The following CFAP46 variants were observed in gnomAD, a reference collection of about 807,000 sequenced individuals.
CFAP46 encodes the protein cilia and flagella associated protein 46, also known as cilia- and flagella-associated protein 46.
Under a neutral mutation model 325.7 loss-of-function variants are expected in CFAP46, and 245 were observed. The ratio of observed to expected loss-of-function variants is 0.75; its 90% CI spans 0.68 to 0.84. The LOEUF (loss-of-function observed/expected upper bound fraction) is 0.84. CFAP46 is among the 40% of genes least tolerant of loss of function. The pLI is 0.00. For missense variants in CFAP46, 3,346 were observed against 3,543.0 expected (o/e 0.94, Z 1.41); for synonymous variants, 1,523 against 1,495.9 (o/e 1.02, Z -0.42).
At chr10:132,931,392 TTCCTCC>T in intron 8 of CFAP46, among the ~76,000 whole-genome samples, 1 of 131,902 alleles carries the variant, frequency 7.6e-6, no homozygotes, top group Non-Finnish European at 1.6e-5. Flanking sequence ...AGCCTGGGCC[TTCCTCC>T]TCCCCAAAAA....
chr10:132,919,592 G>T lies in CFAP46; in HGVS notation c.1731-150C>A. The T allele has an allele frequency of 9.3e-7, 1 of 1,078,780 alleles. No homozygotes were observed. 66.8% of individuals were successfully genotyped at this position (1,078,780 alleles called of 1,614,324 possible). ...GAGCCCGGCACTCGCGCTGGGTACGGCCTGGCGGGTGCATGTCCCAGGGTC... is the reference window on the plus strand; with the variant it reads ...GAGCCCGGCACTCGCGCTGGGTACGTCCTGGCGGGTGCATGTCCCAGGGTC... On this transcript the variant is annotated intron_variant, in intron 14 of 57. Transcript: ENST00000368586. The surrounding 1 kb of genome is among the most constrained non-coding windows in gnomAD (Gnocchi z 9.7).
chr10:132,909,230 A>T lies in CFAP46; in HGVS notation c.2664T>A (p.Asp888Glu). Reference protein sequence around the residue: ...LGTEEQGTNEDVSSVTRVLVA... With the variant: ...LGTEEQGTNEEVSSVTRVLVA... ...CGAGGACTCTGGTCACCGAGCTGAC[A>T]TCCTCATTGGTGCCCTGGTGGGGAG... is the stretch of plus-strand genomic sequence containing the variant. Residue 888 changes from aspartate (D) to glutamate (E), a missense_variant, in exon 21 of 58, where the codon GAT becomes GAA. Coordinates refer to ENST00000368586, the MANE Select transcript of CFAP46 (RefSeq NM_001200049.3). The T allele has an allele frequency of 6.5e-7, 1 of 1,550,290 alleles. No individual in the cohort carries two copies. The highest frequency in any genetic ancestry group is 1.2e-5 in the South Asian group (1 of 84,048).
At chr10:132,941,791 G>C in intron 2 of CFAP46, 69 bp from the exon 3 acceptor site, 1 of 1,601,524 alleles carries the variant, frequency 6.2e-7, no homozygotes, top group East Asian at 2.2e-5. Flanking sequence ...GAAGCACCAC[G>C]GGCCCGCTTT....
intron 41 of CFAP46, among the ~76,000 whole-genome samples, chr10:132,848,685 G>A (rs1848483296): frequency 6.6e-6 from 1 of 152,342 alleles, no homozygotes; most frequent in Admixed American, 6.5e-5. Context: ...AGAGACCAGC[G>A]GACTTTCTTA....
chr10:132,922,548 G>A lies in CFAP46; in HGVS notation c.1417C>T (p.Arg473Cys), dbSNP rs4880287. Residue 473 changes from arginine (R) to cysteine (C), a missense_variant, in exon 12 of 58, where the codon CGT becomes TGT. Arg to Cys is a radical substitution (Grantham distance 180, BLOSUM62 -3). Transcript: ENST00000368586. ...DRIQMASTRL[R>C]LCTTLYQAPE... Reference sequence around the variant, plus strand: ...GCCTGGTATAGCGTGGTGCACAGACGCAGCCGGGTGGAGGCCATCTGGATC... The same window carrying A: ...GCCTGGTATAGCGTGGTGCACAGACACAGCCGGGTGGAGGCCATCTGGATC... The A allele has an allele frequency of 5.8e-6, 9 of 1,547,592 alleles. No homozygotes were observed. The African/African-American group carries it at 6.8e-5, about 12-fold the overall frequency.
chr10:132,891,916 T>C (rs367858674), intron 25 of CFAP46, among the ~76,000 whole-genome samples: 20 of 152,214 alleles, frequency 1.3e-4, no homozygotes, highest in African/African-American at 2.9e-4. Flanking sequence ...CAGACATGCA[T>C]TGATGTCTCT....
intron 25 of CFAP46, among the ~76,000 whole-genome samples, chr10:132,887,383 T>TC: frequency 1.0e-5 from 1 of 99,264 alleles, no homozygotes; most frequent in African/African-American, 5.2e-5. Context: ...CCCTCTTCTC[T>TC]CTCTCCTCTC....
intron 50 of CFAP46, among the ~76,000 whole-genome samples, chr10:132,830,091 G>A (rs1413744756): frequency 6.6e-6 from 1 of 151,774 alleles, no homozygotes; most frequent in Non-Finnish European, 1.5e-5. Context: ...TGCTGTGGGA[G>A]GATGTGTGTA....
chr10:132,834,646 C>T lies in CFAP46; in HGVS notation c.6866+8G>A, dbSNP rs368877513. On this transcript the variant is annotated splice_region_variant and intron_variant, in intron 48 of 57. Transcript: ENST00000368586. ...GTGGGGTGCCAGCCTCAACGTCATC[C>T]CCAGTACCTGGCCTTGGAGAGGCTG... 1.2e-6 allele frequency: 2 copies of T among 1,613,076 alleles called. No individual in the cohort carries two copies. Among genetic ancestry groups the T allele is most frequent in the Admixed American group, 1.7e-5 (1 of 59,990 alleles).
intron 41 of CFAP46, 84 bp downstream of exon 41, chr10:132,850,160 G>C (rs1848512029): frequency 7.6e-7 from 1 of 1,321,254 alleles, no homozygotes; most frequent in African/African-American, 1.5e-5. Context: ...GCAATCACAG[G>C]AGTCCTAAAC....
chr10:132,942,538 G>A lies in CFAP46; in HGVS notation c.-54C>T, dbSNP rs961264485. Reference sequence around the variant, plus strand: ...TCCGGGGTCCGCGGTGCGTCCTGCCGCCCACTGTCGGTTGGGTTCTCCAGC... The same window carrying A: ...TCCGGGGTCCGCGGTGCGTCCTGCCACCCACTGTCGGTTGGGTTCTCCAGC... On this transcript the variant is annotated 5_prime_UTR_variant, in exon 1 of 58. Transcript: ENST00000368586. 31 of 1,238,580 alleles carry A rather than the reference G, an allele frequency of 2.5e-5. No individual in the cohort carries two copies. Among genetic ancestry groups the A allele is most frequent in the Non-Finnish European group, 3.0e-5 (30 of 987,318 alleles). 76.7% of individuals were successfully genotyped at this position (1,238,580 alleles called of 1,614,324 possible).
Position 132,833,528 on chromosome 10 carries a change from G to A in CFAP46, c.6950-3C>T. The A allele has an allele frequency of 6.2e-7, 1 of 1,612,982 alleles. No individual in the cohort carries two copies. On this transcript the variant is annotated splice_region_variant and splice_polypyrimidine_tract_variant and intron_variant, in intron 49 of 57. Transcript: ENST00000368586. The stretch of plus-strand genomic sequence containing the variant: ...GGCAACCTCAGGCTGGACTGTGCCT[G>A]GGAAACAGCAGTGCAGGGAGATCAG...
At chr10:132,823,231 C>A (rs1462976444) in intron 50 of CFAP46, among the ~76,000 whole-genome samples, 7 of 90,840 alleles carry the variant, frequency 7.7e-5, no homozygotes, top group South Asian at 8.5e-4. Context: ...TGTGTGTGTG[C>A]TGTGTGCTGT....
intron 39 of CFAP46, among the ~76,000 whole-genome samples, chr10:132,851,853 T>G (rs1848553810): frequency 7.4e-6 from 1 of 136,050 alleles, no homozygotes; most frequent in Non-Finnish European, 1.6e-5. Context: ...ACGTGGTATG[T>G]TCCTCCATTT....
rs369631922 is a variant in CFAP46, at chr10:132,822,865, G to C, written c.7118-7951C>G. On this transcript the variant is annotated intron_variant, in intron 50 of 57. Coordinates refer to ENST00000368586, the MANE Select transcript of CFAP46 (RefSeq NM_001200049.3). Reference sequence around the variant, plus strand: ...GATGTGTGCACTGTGTGCTGTGTGCGGTGATGTGTGCTGTGTGTGCGCTGA... The same window carrying C: ...GATGTGTGCACTGTGTGCTGTGTGCCGTGATGTGTGCTGTGTGTGCGCTGA... Among the ~76,000 whole-genome samples the C allele has an allele frequency of 1.7e-3, 228 of 137,614 alleles. No individual in the cohort carries two copies. In the South Asian group the frequency reaches 0.037, roughly 22 times the overall value. The allele number at this position is 137,614 out of a possible 152,430, so 90.3% of individuals were successfully genotyped here.
At chr10:132,822,781 C>G (rs62646931) in intron 50 of CFAP46, among the ~76,000 whole-genome samples, 551 of 45,786 alleles carry the variant, frequency 0.012, 4 homozygotes, top group Middle Eastern at 0.056. Flanking sequence ...TGTGTGTGCA[C>G]TTGTGTGTGC....
intron 35 of CFAP46, among the ~76,000 whole-genome samples, chr10:132,865,370 C>T (rs529168369): frequency 3.3e-5 from 5 of 152,278 alleles, no homozygotes; most frequent in South Asian, 2.1e-4. Flanking sequence ...CTGAGGCTTG[C>T]AGGGCCAGTC....
chr10:132,808,933 C>T lies in CFAP46; in HGVS notation c.7665-29G>A. The T allele has an allele frequency of 6.5e-7, 1 of 1,537,050 alleles. No homozygotes were observed. The highest frequency in any genetic ancestry group is 8.8e-7 in the Non-Finnish European group (1 of 1,137,906). ...TGGAGAAAGGGGCGGGAGCTATGAA[C>T]CCCGAGGCCCCGCAGGACGTCCAGC... On this transcript the variant is annotated intron_variant, in intron 57 of 57. Transcript: ENST00000368586. The surrounding 1 kb of genome is among the most constrained non-coding windows in gnomAD (Gnocchi z 6.8).
chr10:132,822,361 CAGTGA>C (rs1847876931), intron 50 of CFAP46, among the ~76,000 whole-genome samples: 1 of 99,086 alleles, frequency 1.0e-5, no homozygotes, highest in African/African-American at 4.1e-5. Context: ...GCTGTGTGTG[CAGTGA>C]TGTGTGCTGT....
Sources: allele counts gnomAD v4.1 joint callset (sites outside exome capture counted in the v4.1 genomes callset), GRCh38; gene constraint gnomAD v4.1.1; non-coding constraint Gnocchi (gnomAD v3.1); transcripts MANE v1.5; gene names NCBI Gene and HGNC (gene_info 2026-07-23, HGNC 2026-07-21).